Variants in SBF2 observed in about 807,000 individuals in gnomAD.
The protein encoded by SBF2 is SET binding factor 2.
In SBF2, 112 loss-of-function variants were observed where a neutral mutation model predicts 225.2. The observed-to-expected ratio is 0.50, with a 90% CI of 0.43 to 0.58. The LOEUF (loss-of-function observed/expected upper bound fraction) is 0.58. Ranked by LOEUF, SBF2 falls within the 20% of genes least tolerant of loss-of-function variation. The pLI is 0.00. For synonymous variants in SBF2, 763 were observed against 773.3 expected (o/e 0.99, Z 0.22); for missense variants, 1,996 against 2,206.2 (o/e 0.90, Z 1.91).
chr11:9,916,653 A>C (rs1029492385), intron 16 of SBF2, among the ~76,000 whole-genome samples: 2 of 146,136 alleles, frequency 1.4e-5, no homozygotes, highest in African/African-American at 5.1e-5. Flanking sequence ...GCTGGAGTGC[A>C]GTGGTGCAGT....
chr11:10,182,862 G>T (rs12291198), intron 2 of SBF2, among the ~76,000 whole-genome samples: 1 of 151,596 alleles, frequency 6.6e-6, no homozygotes, highest in Non-Finnish European at 1.5e-5. Flanking sequence ...CAACCTCCGT[G>T]TCCTGGGTTC....
chr11:10,152,212 T>C (rs1955232637), intron 2 of SBF2, among the ~76,000 whole-genome samples: 1 of 152,198 alleles, frequency 6.6e-6, no homozygotes, highest in Admixed American at 6.5e-5. Context: ...CAGAACCCCT[T>C]GATCCATATG....
chr11:10,197,121 C>G (rs1021747239), intron 1 of SBF2, among the ~76,000 whole-genome samples: 2 of 152,056 alleles, frequency 1.3e-5, no homozygotes, highest in African/African-American at 4.8e-5. Flanking sequence ...CAGCAAATGT[C>G]TGAGGCATTC....
In SBF2 at chr11:10,256,422, G is replaced by A. The variant is rs1404836775; in HGVS notation, c.55+37593C>T. 3.3e-5 allele frequency among the ~76,000 whole-genome samples: 5 copies of A among 152,216 alleles called. No homozygotes were observed. The South Asian group carries it at 1.0e-3, about 31-fold the overall frequency. On this transcript the variant is annotated intron_variant, in intron 1 of 39. Coordinates refer to ENST00000256190, the MANE Select transcript of SBF2 (RefSeq NM_030962.4). ...TCATCATTTACAGAGCTATTGGACA[G>A]AGTTCCTGGGCCAGGCCAAGCTATA...
chr11:10,022,725 T>C (rs894823631), intron 6 of SBF2, among the ~76,000 whole-genome samples: 8 of 152,084 alleles, frequency 5.3e-5, no homozygotes, highest in Non-Finnish European at 7.4e-5. Context: ...GTAGACACTA[T>C]AGTTTAGTCT....
chr11:9,930,404 A>C (rs373908347), intron 16 of SBF2, among the ~76,000 whole-genome samples: 10 of 152,318 alleles, frequency 6.6e-5, no homozygotes, highest in South Asian at 4.1e-4. Context: ...AAAATGTAGA[A>C]AATGCAACCT....
chr11:10,064,595 CAG>C (rs1950567198), intron 2 of SBF2, among the ~76,000 whole-genome samples: 1 of 152,024 alleles, frequency 6.6e-6, no homozygotes. Flanking sequence ...GGAGGGGAAA[CAG>C]ATATATTATG....
intron 1 of SBF2, among the ~76,000 whole-genome samples, chr11:10,196,544 A>G (rs1957360975): frequency 6.6e-6 from 1 of 151,578 alleles, no homozygotes; most frequent in African/African-American, 2.4e-5. Flanking sequence ...ACAACCAGCT[A>G]ATTTTCATAT....
intron 7 of SBF2, among the ~76,000 whole-genome samples, chr11:10,001,832 A>C (rs896282717): frequency 1.3e-5 from 2 of 152,066 alleles, no homozygotes; most frequent in African/African-American, 4.8e-5. Flanking sequence ...GGCCAAAAAA[A>C]TTTTTTTAAA....
At chr11:9,929,259 CA>C (rs934392246) in intron 16 of SBF2, 13 of 170,118 alleles carry the variant, frequency 7.6e-5, no homozygotes, top group Middle Eastern at 8.7e-4. Flanking sequence ...TGAGCTGAAC[CA>C]AAAAAAACAA....
intron 2 of SBF2, among the ~76,000 whole-genome samples, chr11:10,106,520 C>T (rs1590968580): frequency 6.6e-6 from 1 of 151,196 alleles, no homozygotes; most frequent in Admixed American, 6.6e-5. Context: ...TCCCAGGTGG[C>T]GTATGCCTGG....
chr11:10,083,934 G>A (rs992860539), intron 2 of SBF2, among the ~76,000 whole-genome samples: 2 of 152,156 alleles, frequency 1.3e-5, no homozygotes, highest in Non-Finnish European at 2.9e-5. Context: ...GAGGCCACGA[G>A]TTCAAGACTA....
At chr11:9,801,287 A>C (rs963170050) in intron 32 of SBF2, among the ~76,000 whole-genome samples, 2 of 152,192 alleles carry the variant, frequency 1.3e-5, no homozygotes, top group African/African-American at 4.8e-5. Context: ...TTTTTCCGTT[A>C]TGGAGTGAAA....
intron 1 of SBF2, among the ~76,000 whole-genome samples, chr11:10,227,022 T>C (rs1261277369): frequency 6.6e-6 from 1 of 152,226 alleles, no homozygotes; most frequent in Non-Finnish European, 1.5e-5. Context: ...CCATTCTAAC[T>C]GGTGTGAGAT....
At chr11:10,139,909 A>G (rs977624139) in intron 2 of SBF2, among the ~76,000 whole-genome samples, 8 of 152,214 alleles carry the variant, frequency 5.3e-5, no homozygotes, top group Non-Finnish European at 1.0e-4. Context: ...TAGCAGAAGT[A>G]TAAGTCAACT....
At chr11:10,097,828 C>T (rs770038944) in intron 2 of SBF2, among the ~76,000 whole-genome samples, 1 of 152,182 alleles carries the variant, frequency 6.6e-6, no homozygotes, top group Non-Finnish European at 1.5e-5. Flanking sequence ...ATCTGTCTCA[C>T]AAAGGAAAGT....
chr11:9,922,058 G>T (rs1404448162), intron 16 of SBF2, among the ~76,000 whole-genome samples: 2 of 151,934 alleles, frequency 1.3e-5, no homozygotes, highest in African/African-American at 4.8e-5. Flanking sequence ...ACCAGCCTGG[G>T]CAACATAGTG....
rs562023971 is a variant in SBF2 at position 10,239,448 on chromosome 11, A to G, written c.56-45461T>C. Among the ~76,000 whole-genome samples the G allele has an allele frequency of 2.0e-5, 3 of 150,946 alleles. 1 individual carries two copies. Among genetic ancestry groups the G allele is most frequent in the East Asian group, 3.9e-4 (2 of 5,178 alleles). On this transcript the variant is annotated intron_variant, in intron 1 of 39. Transcript: ENST00000256190. ...GTTAAACAAAATGATTAAAAATACA[A>G]TATCAAAACTTGTGAGATGCTTCCT...
chr11:10,012,696 T>C (rs1026152115), intron 6 of SBF2, among the ~76,000 whole-genome samples: 3 of 152,182 alleles, frequency 2.0e-5, no homozygotes, highest in African/African-American at 7.2e-5. Flanking sequence ...TACACTTCAC[T>C]GTTTGAATGC....
Sources: gnomAD v4.1 joint callset for allele counts (sites outside exome capture counted in the v4.1 genomes callset) on GRCh38, gnomAD v4.1.1 for gene constraint, MANE v1.5 for transcripts, NCBI Gene and HGNC (gene_info 2026-07-23, HGNC 2026-07-21) for gene names.